Variants in GRAMD1B observed in about 807,000 individuals in gnomAD.
GRAMD1B encodes the protein GRAM domain containing 1B.
A neutral mutation model predicts 99.7 loss-of-function variants in GRAMD1B; 37 were observed. That is an observed-to-expected ratio of 0.37 (90% CI 0.29 to 0.49). The LOEUF (loss-of-function observed/expected upper bound fraction) is 0.49, where lower values mean the gene tolerates loss of function less well. Ranked by LOEUF, GRAMD1B falls within the 20% of genes least tolerant of loss-of-function variation. The pLI is 0.98. For missense variants in GRAMD1B, 888 were observed against 1,009.2 expected, an observed-to-expected ratio of 0.88 and a Z score of 1.63; for synonymous variants, 427 against 387.6, an observed-to-expected ratio of 1.10 and a Z score of -1.19.
intron 2 of GRAMD1B, among the ~76,000 whole-genome samples, chr11:123,489,793 A>G (rs530545396): frequency 6.6e-6 from 1 of 152,330 alleles, no homozygotes; most frequent in African/African-American, 2.4e-5. Flanking sequence ...CTTTTTTATA[A>G]TCTCTGAAGT....
At chr11:123,535,797 T>C (rs1943910283) in intron 2 of GRAMD1B, among the ~76,000 whole-genome samples, 1 of 151,588 alleles carries the variant, frequency 6.6e-6, no homozygotes, top group Non-Finnish European at 1.5e-5. Context: ...GTGTGAGGCC[T>C]TTTTTTTTCT....
At chr11:123,534,023 A>G (rs913608569) in intron 2 of GRAMD1B, among the ~76,000 whole-genome samples, 7 of 152,252 alleles carry the variant, frequency 4.6e-5, no homozygotes, top group Admixed American at 3.9e-4. Flanking sequence ...TGAATTACAG[A>G]TGACCCTTGA....
At position 123,530,779 on chromosome 11, in the gene GRAMD1B, G is replaced by A. The variant is rs140077027; in HGVS notation, c.453-46588G>A. Among the ~76,000 whole-genome samples the A allele has an allele frequency of 2.7e-3, 404 of 152,318 alleles. 4 individuals carry two copies. Among genetic ancestry groups the A allele is most frequent in the African/African-American group, 9.1e-3 (378 of 41,582 alleles). On this transcript the variant is annotated intron_variant, in intron 2 of 19. Coordinates refer to ENST00000635736, the MANE Select transcript of GRAMD1B (RefSeq NM_001387025.1). The stretch of plus-strand genomic sequence containing the variant: ...AGCCAGGCTTCCCAGCTATGGAAAC[G>A]TTTATCAGGAGGTGAGTTGCGGTGA...
chr11:123,415,095 CTTTTTTTTTT>C (rs1175202539), intron 1 of GRAMD1B, among the ~76,000 whole-genome samples: 2 of 75,816 alleles, frequency 2.6e-5, no homozygotes, highest in African/African-American at 5.3e-5. Flanking sequence ...CTTTTTCTTT[CTTTTTTTTTT>C]TTTTTTTTTT....
chr11:123,447,936 A>T (rs1169553121), intron 1 of GRAMD1B, among the ~76,000 whole-genome samples: 1 of 151,884 alleles, frequency 6.6e-6, no homozygotes, highest in Non-Finnish European at 1.5e-5. Flanking sequence ...ATCTTAACCT[A>T]GTGTTTATAG....
At position 123,372,341 on chromosome 11, in the gene GRAMD1B, C is replaced by G. The variant is rs148398207; in HGVS notation, c.-176+13542C>G. 5.7e-3 allele frequency among the ~76,000 whole-genome samples: 875 copies of G among 152,224 alleles called. 9 individuals carry two copies. The highest frequency in any genetic ancestry group is 0.02 in the African/African-American group (822 of 41,534). On this transcript the variant is annotated intron_variant, in intron 1 of 20. Transcript: ENST00000638157. ...TATATGTTCCTGGCCATTTAGGAAC[C>G]TAGATTCATCTCATTTAAACTTCTA...
chr11:123,471,035 A>G (rs1950992139), intron 1 of GRAMD1B, among the ~76,000 whole-genome samples: 1 of 152,180 alleles, frequency 6.6e-6, no homozygotes, highest in South Asian at 2.1e-4. Context: ...GTGACGAGTG[A>G]CCACATCGTT....
intron 2 of GRAMD1B, among the ~76,000 whole-genome samples, chr11:123,484,594 G>A (rs542329190): frequency 1.8e-4 from 27 of 152,178 alleles, no homozygotes; most frequent in Middle Eastern, 3.4e-3. Flanking sequence ...GCATCAACTC[G>A]CTTTGGAGAG....
intron 4 of GRAMD1B, among the ~76,000 whole-genome samples, chr11:123,585,823 A>G (rs1281146860): frequency 1.3e-5 from 2 of 152,200 alleles, no homozygotes; most frequent in Non-Finnish European, 2.9e-5. Context: ...TGGACAGGCC[A>G]GCCCCTGTCC....
chr11:123,530,711 A>T (rs1208788933), intron 2 of GRAMD1B, among the ~76,000 whole-genome samples: 2 of 152,216 alleles, frequency 1.3e-5, no homozygotes. Context: ...GGTCTGCTCC[A>T]GAGGAGGGAG....
intron 2 of GRAMD1B, among the ~76,000 whole-genome samples, chr11:123,499,955 G>A (rs1381291897): frequency 6.6e-6 from 1 of 152,196 alleles, no homozygotes; most frequent in Admixed American, 6.5e-5. Context: ...AAATGAAACA[G>A]ATCTATTGTC....
At chr11:123,379,373 T>C (rs1183239785) in intron 1 of GRAMD1B, among the ~76,000 whole-genome samples, 2 of 152,136 alleles carry the variant, frequency 1.3e-5, no homozygotes, top group African/African-American at 2.4e-5. Flanking sequence ...AAGCTCAGGC[T>C]GTGAAGAGAG....
chr11:123,390,674 C>T (rs1191981724), intron 1 of GRAMD1B, among the ~76,000 whole-genome samples: 1 of 152,122 alleles, frequency 6.6e-6, no homozygotes, highest in East Asian at 1.9e-4. Context: ...TTTTTGAAGA[C>T]ATTCTTTTGC....
At chr11:123,592,540 G>A (rs1257284730) in intron 4 of GRAMD1B, among the ~76,000 whole-genome samples, 1 of 152,180 alleles carries the variant, frequency 6.6e-6, no homozygotes, top group East Asian at 1.9e-4. Flanking sequence ...AGGTCAGTTA[G>A]GCATAATGAG....
intron 2 of GRAMD1B, among the ~76,000 whole-genome samples, chr11:123,530,262 A>C (rs749042423): frequency 3.2e-4 from 48 of 150,436 alleles, no homozygotes; most frequent in Non-Finnish European, 5.6e-4. Flanking sequence ...ATTTTATTTG[A>C]TAGTAAATGT....
intron 1 of GRAMD1B, chr11:123,435,477 G>A: frequency 1.4e-6 from 1 of 702,436 alleles, no homozygotes; most frequent in East Asian, 2.7e-5. Context: ...AAAATATGAA[G>A]AGGATTAGGA....
intron 14 of GRAMD1B, among the ~76,000 whole-genome samples, chr11:123,611,041 T>C (rs796826152): frequency 1.3e-5 from 2 of 152,220 alleles, no homozygotes; most frequent in African/African-American, 4.8e-5. Context: ...TACCTGTACC[T>C]TAGACCAAGT....
chr11:123,419,794 G>C (rs940512840), intron 1 of GRAMD1B, among the ~76,000 whole-genome samples: 1 of 151,158 alleles, frequency 6.6e-6, no homozygotes, highest in African/African-American at 2.4e-5. Flanking sequence ...AGGAAGGAAA[G>C]CAGTAGACTA....
intron 1 of GRAMD1B, among the ~76,000 whole-genome samples, chr11:123,422,607 A>G (rs75713347): frequency 0.042 from 6,415 of 152,300 alleles, 453 homozygotes; most frequent in African/African-American, 0.15. Flanking sequence ...TTTTCATTAC[A>G]TTCATTATGC....
Sources: gnomAD v4.1 joint callset for allele counts (sites outside exome capture counted in the v4.1 genomes callset) on GRCh38, gnomAD v4.1.1 for gene constraint, MANE v1.5 for transcripts, NCBI Gene and HGNC (gene_info 2026-07-23, HGNC 2026-07-21) for gene names.